The following PPP2R2B variants were observed in gnomAD, a reference collection of about 807,000 sequenced individuals.
PPP2R2B encodes the protein protein phosphatase 2 regulatory subunit Bbeta.
Under a neutral mutation model 46.0 loss-of-function variants are expected in PPP2R2B, and 5 were observed. The observed-to-expected ratio is 0.11, with a 90% confidence interval of 0.06 to 0.23. The LOEUF (loss-of-function observed/expected upper bound fraction) is 0.23. Among genes scored for constraint, PPP2R2B ranks in the 10% least tolerant of loss-of-function variants. The probability of loss-of-function intolerance (pLI) is 1.00; values close to 1 mark genes in which losing one functional copy is unlikely to be tolerated. For synonymous variants in PPP2R2B, 215 were observed against 206.7 expected (o/e 1.04, Z -0.34); for missense variants, 367 against 575.0 (o/e 0.64, Z 3.70).
intron 2 of PPP2R2B, among the ~76,000 whole-genome samples, chr5:146,795,804 C>T (rs1206766546): frequency 6.6e-6 from 1 of 152,072 alleles, no homozygotes; most frequent in Non-Finnish European, 1.5e-5. Context: ...AATTACATCT[C>T]AAAGCTGAAA....
At chr5:146,810,912 C>T (rs940661034) in intron 2 of PPP2R2B, among the ~76,000 whole-genome samples, 1 of 143,904 alleles carries the variant, frequency 6.9e-6, no homozygotes, top group Admixed American at 7.1e-5. Context: ...TGTGATGTTC[C>T]CCTTCCTGTG....
chr5:146,713,778 A>C (rs1040915625), intron 2 of PPP2R2B, among the ~76,000 whole-genome samples: 1 of 152,218 alleles, frequency 6.6e-6, no homozygotes. Context: ...AGCAACTGGC[A>C]TGTTAGAGTT....
At chr5:147,037,115 C>T (rs943915402) in intron 1 of PPP2R2B, among the ~76,000 whole-genome samples, 2 of 151,968 alleles carry the variant, frequency 1.3e-5, no homozygotes, top group African/African-American at 4.8e-5. Flanking sequence ...AGAGTTTAAC[C>T]ACTCCAGCAT....
intron 5 of PPP2R2B, 34 bp downstream of exon 5, chr5:146,691,091 CCTG>C: frequency 6.3e-7 from 1 of 1,586,160 alleles, no homozygotes; most frequent in Non-Finnish European, 8.6e-7. Context: ...GAGACCTGCC[CCTG>C]ACTGTGGTGG....
chr5:146,630,893 C>T (rs938018008), intron 7 of PPP2R2B, among the ~76,000 whole-genome samples: 1 of 152,118 alleles, frequency 6.6e-6, no homozygotes, highest in Non-Finnish European at 1.5e-5. Flanking sequence ...ACTTTCATGA[C>T]CCATATTTTA....
intron 2 of PPP2R2B, among the ~76,000 whole-genome samples, chr5:146,712,278 G>T (rs773098135): frequency 3.9e-5 from 6 of 152,086 alleles, no homozygotes; most frequent in Non-Finnish European, 5.9e-5. Context: ...TTCTGGCTAG[G>T]AGTTGTGGTA....
At chr5:147,037,198 C>T (rs1580838965) in intron 1 of PPP2R2B, among the ~76,000 whole-genome samples, 1 of 152,168 alleles carries the variant, frequency 6.6e-6, no homozygotes, top group African/African-American at 2.4e-5. Context: ...TAAATCACAG[C>T]AACAGGGGCT....
At chr5:146,600,549 A>G in intron 7 of PPP2R2B, 89 bp from the exon 8 acceptor site, 1 of 1,328,662 alleles carries the variant, frequency 7.5e-7, no homozygotes, top group African/African-American at 1.5e-5. Context: ...CTGACAGTGT[A>G]ACTGAGAGTC....
In PPP2R2B at chr5:146,878,243, A is replaced by T. The variant is rs1186264944; in HGVS notation, c.-124-48T>A. The T allele has an allele frequency of 6.6e-7, 1 of 1,516,952 alleles. No individual in the cohort carries two copies. Among genetic ancestry groups the T allele is most frequent in the South Asian group, 1.3e-5 (1 of 79,334 alleles). 94.0% of individuals were successfully genotyped at this position (1,516,952 alleles called of 1,614,324 possible). ...GAGAGAAAAAAAATAAAAACCCGGC[A>T]ATGGAGCTGTCACCTCCTCCACTCG... On this transcript the variant is annotated intron_variant, in intron 1 of 9. Coordinates refer to ENST00000394411, the MANE Select transcript of PPP2R2B (RefSeq NM_181675.4). The surrounding 1 kb of genome is among the most constrained non-coding windows in gnomAD (Gnocchi z 4.5).
At chr5:147,070,878 T>C (rs1757570657) in intron 2 of PPP2R2B, among the ~76,000 whole-genome samples, 1 of 152,148 alleles carries the variant, frequency 6.6e-6, no homozygotes, top group Non-Finnish European at 1.5e-5. Flanking sequence ...AATCCCATTC[T>C]CCTTGCCAAT....
At chr5:146,926,942 T>G (rs1763800707) in intron 1 of PPP2R2B, among the ~76,000 whole-genome samples, 1 of 152,132 alleles carries the variant, frequency 6.6e-6, no homozygotes, top group African/African-American at 2.4e-5. Flanking sequence ...AGATGATCAT[T>G]TCTATTGACA....
At chr5:147,051,915 A>C (rs562009170) in intron 1 of PPP2R2B, among the ~76,000 whole-genome samples, 1 of 151,342 alleles carries the variant, frequency 6.6e-6, no homozygotes, top group South Asian at 2.1e-4. Flanking sequence ...GGGGCCCACC[A>C]CCACACCCAG....
intron 5 of PPP2R2B, among the ~76,000 whole-genome samples, chr5:146,672,918 C>A (rs752976507): frequency 6.6e-6 from 1 of 152,126 alleles, no homozygotes; most frequent in South Asian, 2.1e-4. Flanking sequence ...ATGGGATAAA[C>A]CCAGATCCTG....
At chr5:146,838,307 C>A (rs148882657) in intron 2 of PPP2R2B, among the ~76,000 whole-genome samples, 2 of 151,848 alleles carry the variant, frequency 1.3e-5, no homozygotes, top group Non-Finnish European at 2.9e-5. Flanking sequence ...AGGCCGGGCT[C>A]ACACCTGTAA....
At chr5:146,905,142 T>C (rs1255097229) in intron 1 of PPP2R2B, among the ~76,000 whole-genome samples, 1 of 152,182 alleles carries the variant, frequency 6.6e-6, no homozygotes, top group African/African-American at 2.4e-5. Context: ...AGACTAACTA[T>C]GTCAAGTGTT....
At chr5:147,010,176 T>C (rs1355445339) in intron 1 of PPP2R2B, among the ~76,000 whole-genome samples, 1 of 152,028 alleles carries the variant, frequency 6.6e-6, no homozygotes, top group Non-Finnish European at 1.5e-5. Flanking sequence ...AACCCAGCAA[T>C]ACATAAAAAC....
At chr5:146,672,285 A>G (rs1160828136) in intron 5 of PPP2R2B, among the ~76,000 whole-genome samples, 1 of 152,182 alleles carries the variant, frequency 6.6e-6, no homozygotes, top group Non-Finnish European at 1.5e-5. Flanking sequence ...TTGAACAAGG[A>G]TCAAACCACA....
intron 7 of PPP2R2B, among the ~76,000 whole-genome samples, chr5:146,637,439 G>A (rs442927): frequency 0.13 from 19,279 of 152,118 alleles, 2,292 homozygotes; most frequent in African/African-American, 0.3. Context: ...TCTATGTAGC[G>A]CAAGATTCAA....
At position 146,617,680 on chromosome 5, in the gene PPP2R2B, ATCTC is replaced by A. The variant is rs372446157; in HGVS notation, c.791-17224_791-17221del. On this transcript the variant is annotated intron_variant, in intron 7 of 9. Transcript: ENST00000394411. ...TCTACCATGGCTGGGGCTTCCTCTC[ATCTC>A]TCTCTCTCTCTCTCTTTTTTTTTTT... Among the ~76,000 whole-genome samples, 65 of 144,366 alleles carry A rather than the reference ATCTC, an allele frequency of 4.5e-4. No individual in the cohort carries two copies. In the South Asian group the frequency reaches 6.5e-3, roughly 14 times the overall value. The allele number at this position is 144,366 out of a possible 152,430, so 94.7% of individuals were successfully genotyped here.
Sources: gnomAD v4.1 joint callset for allele counts (sites outside exome capture counted in the v4.1 genomes callset) on GRCh38, gnomAD v4.1.1 for gene constraint, Gnocchi (gnomAD v3.1) non-coding constraint, MANE v1.5 for transcripts, NCBI Gene and HGNC (gene_info 2026-07-23, HGNC 2026-07-21) for gene names.